Variants in MYO16 observed in about 807,000 individuals in gnomAD.
MYO16 encodes the protein unconventional myosin-XVI.
A neutral mutation model predicts 205.3 loss-of-function variants in MYO16; 94 were observed. The observed-to-expected ratio is 0.46, with a 90% confidence interval of 0.39 to 0.54. The LOEUF (loss-of-function observed/expected upper bound fraction) is 0.54, where lower values mean the gene tolerates loss of function less well. Ranked by LOEUF, MYO16 falls within the 20% of genes least tolerant of loss-of-function variation. The probability of loss-of-function intolerance (pLI) is 0.00; values close to 1 mark genes in which losing one functional copy is unlikely to be tolerated. For missense variants in MYO16, 2,315 were observed against 2,387.5 expected (o/e 0.97, Z 0.63); for synonymous variants, 988 against 954.0 (o/e 1.04, Z -0.66).
At chr13:108,509,547 G>T in the MYO16 span, among the ~76,000 whole-genome samples, 1 of 152,118 alleles carries the variant, frequency 6.6e-6, no homozygotes, top group African/African-American at 2.4e-5. Flanking sequence ...TAACCACATG[G>T]TTTGAATGAG....
intron 4 of MYO16, among the ~76,000 whole-genome samples, chr13:108,739,983 C>T (rs1166225067): frequency 6.6e-6 from 1 of 152,172 alleles, no homozygotes; most frequent in Non-Finnish European, 1.5e-5. Flanking sequence ...GTTTTCAGCT[C>T]CATCAGGTCA....
intron 32 of MYO16, among the ~76,000 whole-genome samples, chr13:109,143,936 A>T (rs1877212083): frequency 1.3e-5 from 2 of 152,226 alleles, no homozygotes; most frequent in Admixed American, 1.3e-4. Context: ...ACTTAGCAAT[A>T]CCAGACCAGG....
chr13:109,011,498 C>CTTTTTT (rs34575828), intron 22 of MYO16, among the ~76,000 whole-genome samples: 22 of 129,922 alleles, frequency 1.7e-4, no homozygotes, highest in African/African-American at 4.1e-4. Context: ...TTCTTCCTTT[C>CTTTTTT]TTTTTTTTTT....
chr13:108,842,097 A>G (rs1877272023), intron 9 of MYO16, among the ~76,000 whole-genome samples: 2 of 152,244 alleles, frequency 1.3e-5, no homozygotes, highest in African/African-American at 2.4e-5. Context: ...AGACTTAAAT[A>G]TAAAAACCAT....
At chr13:108,902,602 TG>T (rs898223791) in intron 15 of MYO16, among the ~76,000 whole-genome samples, 5 of 152,218 alleles carry the variant, frequency 3.3e-5, no homozygotes, top group Non-Finnish European at 7.4e-5. Flanking sequence ...TTGACCTCTC[TG>T]GGGGGACCTC....
intron 2 of MYO16, among the ~76,000 whole-genome samples, chr13:108,701,120 T>C (rs531966286): frequency 1.2e-3 from 182 of 152,236 alleles, no homozygotes; most frequent in African/African-American, 4.2e-3. Flanking sequence ...ATACGTAATA[T>C]AGACATTGCA....
the MYO16 span, among the ~76,000 whole-genome samples, chr13:108,532,873 AC>A: frequency 6.6e-6 from 1 of 152,182 alleles, no homozygotes; most frequent in Non-Finnish European, 1.5e-5. Flanking sequence ...GGATTGCATG[AC>A]AATGCAAGAG....
chr13:109,158,958 C>CCAGGATT (rs1484297453), intron 32 of MYO16, among the ~76,000 whole-genome samples: 1 of 152,178 alleles, frequency 6.6e-6, no homozygotes, highest in Non-Finnish European at 1.5e-5. Flanking sequence ...ACTCCAGTCA[C>CCAGGATT]CAGGATTCCA....
At chr13:108,699,366 T>A (rs1298550452) in intron 2 of MYO16, among the ~76,000 whole-genome samples, 1 of 152,150 alleles carries the variant, frequency 6.6e-6, no homozygotes, top group Non-Finnish European at 1.5e-5. Flanking sequence ...AATTCCAGAT[T>A]AGTAGTTATG....
the MYO16 span, among the ~76,000 whole-genome samples, chr13:108,561,280 A>T: frequency 6.6e-6 from 1 of 152,230 alleles, no homozygotes; most frequent in Non-Finnish European, 1.5e-5. Context: ...CATTAGTTCA[A>T]CTTGTAGAAC....
At chr13:108,753,012 A>G (rs1366241758) in intron 4 of MYO16, among the ~76,000 whole-genome samples, 1 of 151,930 alleles carries the variant, frequency 6.6e-6, no homozygotes, top group Non-Finnish European at 1.5e-5. Context: ...TTGATGTAAG[A>G]GATAGGATAG....
intron 4 of MYO16, among the ~76,000 whole-genome samples, chr13:108,733,645 T>C (rs1178281815): frequency 6.6e-6 from 1 of 152,284 alleles, no homozygotes; most frequent in East Asian, 1.9e-4. Flanking sequence ...TTATTTAAAA[T>C]TGGGGAAGAA....
At chr13:108,774,610 A>G (rs7982939) in intron 4 of MYO16, among the ~76,000 whole-genome samples, 45,752 of 151,976 alleles carry the variant, frequency 0.3, 7,114 homozygotes, top group Middle Eastern at 0.35. Context: ...ATGTTGTACA[A>G]ATACAGCATT....
chr13:109,148,154 C>T (rs930640910), intron 32 of MYO16, among the ~76,000 whole-genome samples: 13 of 152,196 alleles, frequency 8.5e-5, no homozygotes, highest in Admixed American at 5.9e-4. Context: ...ATCTACACTT[C>T]GAAATGAACT....
chr13:109,112,654 CT>C (rs1374074696), intron 28 of MYO16, among the ~76,000 whole-genome samples: 2 of 151,988 alleles, frequency 1.3e-5, no homozygotes, highest in Non-Finnish European at 2.9e-5. Flanking sequence ...ACTCAGGAGG[CT>C]GAAGCAGGAG....
At chr13:108,911,339 T>C (rs142022658) in intron 16 of MYO16, among the ~76,000 whole-genome samples, 1 of 152,194 alleles carries the variant, frequency 6.6e-6, no homozygotes, top group East Asian at 1.9e-4. Context: ...GAAAAATAAA[T>C]GAGGGTTGGG....
intron 31 of MYO16, among the ~76,000 whole-genome samples, chr13:109,138,190 G>A (rs748014600): frequency 2.6e-5 from 4 of 152,196 alleles, no homozygotes; most frequent in Admixed American, 6.5e-5. Flanking sequence ...ACTGGGTACA[G>A]AGACTGATGT....
At chr13:108,878,828 G>C (rs940116116) in intron 12 of MYO16, among the ~76,000 whole-genome samples, 2 of 152,206 alleles carry the variant, frequency 1.3e-5, no homozygotes, top group Admixed American at 6.5e-5. Context: ...ACACACAGTG[G>C]CCAAACAGAT....
chr13:108,961,067 A>C (rs961149727), intron 17 of MYO16, among the ~76,000 whole-genome samples: 5 of 152,164 alleles, frequency 3.3e-5, no homozygotes, highest in Non-Finnish European at 7.3e-5. Flanking sequence ...AATTTATCTC[A>C]TAAGAGAGAT....
Sources: gnomAD v4.1 joint callset for allele counts (sites outside exome capture counted in the v4.1 genomes callset) on GRCh38, gnomAD v4.1.1 for gene constraint, MANE v1.5 for transcripts, NCBI Gene and HGNC (gene_info 2026-07-23, HGNC 2026-07-21) for gene names.